Variants in GIT1 observed in about 807,000 individuals in gnomAD.
GIT1 encodes the protein ARF GTPase-activating protein GIT1.
GIT1 carries 14 observed loss-of-function variants against 91.7 expected under a neutral mutation model. That is an observed-to-expected ratio of 0.15 (90% confidence interval 0.10 to 0.24). GIT1 has a LOEUF of 0.24. GIT1 is among the 10% of genes least tolerant of loss of function. The pLI, the probability that GIT1 is intolerant of heterozygous loss-of-function variation, is 1.00. For synonymous variants in GIT1, 414 were observed against 418.2 expected, an observed-to-expected ratio of 0.99 and a Z score of 0.12; for missense variants, 717 against 1,024.9, an observed-to-expected ratio of 0.70 and a Z score of 4.10.
intron 1 of GIT1, 79 bp from the exon 2 acceptor site, chr17:29,583,695 A>G (rs1399695263): frequency 2.1e-6 from 3 of 1,432,544 alleles, no homozygotes; most frequent in Non-Finnish European, 1.9e-6. Context: ...GCCCGTGCCA[A>G]GCCTAGTACT....
Position 29,576,060 on chromosome 17 carries a change from C to G in GIT1, c.1665+18G>C. 6.2e-7 allele frequency: 1 copy of G among 1,612,594 alleles called. No homozygotes were observed. Among genetic ancestry groups the G allele is most frequent in the East Asian group, 2.2e-5 (1 of 44,872 alleles). The stretch of plus-strand genomic sequence containing the variant: ...CAGAACCTACTGGCTAAGATGGACA[C>G]GCCTTCCCCAGGCTTACCCGGTAAA... On this transcript the variant is annotated intron_variant, in intron 15 of 19. Transcript: ENST00000225394.
At chr17:29,578,489 C>T in intron 8 of GIT1, 118 bp from the exon 9 acceptor site, 1 of 955,046 alleles carries the variant, frequency 1.0e-6, no homozygotes, top group East Asian at 2.4e-5. Context: ...CTGCCCAGCC[C>T]CTACAGTCTC....
At position 29,574,338 on chromosome 17, in the gene GIT1, G is replaced by A. The variant is rs1346526031; in HGVS notation, c.*364C>T. On this transcript the variant is annotated 3_prime_UTR_variant, in exon 20 of 20. Transcript: ENST00000225394. ...AGGGCTGAACTGGCTCATGGGGGTG[G>A]GGCGCATGTACGGAGAGCTGCCCCA... The A allele has an allele frequency of 3.5e-6, 1 of 289,052 alleles. No individual in the cohort carries two copies. The highest frequency in any genetic ancestry group is 2.2e-5 in the African/African-American group (1 of 45,638). The allele number at this position is 289,052 out of a possible 1,614,324, so 17.9% of individuals were successfully genotyped here.
chr17:29,577,347 T>C lies in GIT1; in HGVS notation c.982-100A>G. ...CAAGGCATGGCTCTGCCATTTAATT[T>C]AACCCCAGCTAAAGCGTCCCAGCCT... is the stretch of plus-strand genomic sequence containing the variant. On this transcript the variant is annotated intron_variant, in intron 10 of 19. Coordinates refer to ENST00000225394, the MANE Select transcript of GIT1 (RefSeq NM_014030.4). 10 of 920,106 alleles carry C rather than the reference T, an allele frequency of 1.1e-5. No individual in the cohort carries two copies. The South Asian group carries it at 1.5e-4, about 14-fold the overall frequency. The allele number at this position is 920,106 out of a possible 1,614,324, so 57.0% of individuals were successfully genotyped here.
In GIT1 at chr17:29,589,286, G is replaced by A; in HGVS notation, c.52+41C>T. The A allele has an allele frequency of 1.1e-6, 1 of 934,670 alleles. No homozygotes were observed. The highest frequency in any genetic ancestry group is 1.3e-6 in the Non-Finnish European group (1 of 780,730). The allele number at this position is 934,670 out of a possible 1,614,324, so 57.9% of individuals were successfully genotyped here. On this transcript the variant is annotated intron_variant, in intron 1 of 19. Coordinates refer to ENST00000225394, the MANE Select transcript of GIT1 (RefSeq NM_014030.4). The surrounding 1 kb of genome is among the most constrained non-coding windows in gnomAD (Gnocchi z 5.2). ...AGGCCCCGGCGCCCGCCCGGCGGCGGCCTGGCTGTGCGGTCCCGCCCCCGG... is the reference window on the plus strand; with the variant it reads ...AGGCCCCGGCGCCCGCCCGGCGGCGACCTGGCTGTGCGGTCCCGCCCCCGG...
chr17:29,589,344 G>A lies in GIT1; in HGVS notation c.35C>T (p.Ala12Val), dbSNP rs1019896622. The A allele has an allele frequency of 1.8e-6, 2 of 1,088,130 alleles. No homozygotes were observed. The highest frequency in any genetic ancestry group is 2.3e-6 in the Non-Finnish European group (2 of 885,560). 67.4% of individuals were successfully genotyped at this position (1,088,130 alleles called of 1,614,324 possible). A position where few individuals can be genotyped will look rare whatever the true frequency, so the allele number is the denominator to read the frequency against. ...GCGCTTACCCGGGGCGCTGCAGTCC[G>A]CACACACCTCCGCTCGCGGCCCCTT... ...SRKGPRAEVCADCSAPDPGWA... is the reference protein window; with the variant it reads ...SRKGPRAEVCVDCSAPDPGWA... Residue 12 changes from alanine (A) to valine (V), a missense_variant, in exon 1 of 20, where the codon GCG becomes GTG. Physicochemically the swap from Ala to Val is moderately conservative, Grantham distance 64 (BLOSUM62 0). Transcript: ENST00000225394. This position sits in a 1 kb window ranked among gnomAD's most constrained non-coding sequence, Gnocchi z 5.2.
chr17:29,575,917 C>T lies in GIT1; in HGVS notation c.1666-19G>A, dbSNP rs1268988353. 1 of 1,594,004 alleles carries T rather than the reference C, an allele frequency of 6.3e-7. No individual in the cohort carries two copies. Among genetic ancestry groups the T allele is most frequent in the Non-Finnish European group, 8.6e-7 (1 of 1,167,454 alleles). ...TCCGGATCTGAAACCCAGGGCAGCG[C>T]TGGATGGAGTCAGTGTGCCCCACTG... is the stretch of plus-strand genomic sequence containing the variant. On this transcript the variant is annotated intron_variant, in intron 15 of 19. Transcript: ENST00000225394. This position sits in a 1 kb window ranked among gnomAD's most constrained non-coding sequence, Gnocchi z 5.5.
At chr17:29,582,520 G>A (rs978417631) in intron 4 of GIT1, among the ~76,000 whole-genome samples, 178 bp downstream of exon 4, 1 of 152,180 alleles carries the variant, frequency 6.6e-6, no homozygotes, top group African/African-American at 2.4e-5. Flanking sequence ...GGTTGCTGGG[G>A]AGCCTCAGCC....
rs980897929 is a variant in GIT1 at position 29,574,545 on chromosome 17, A to G, written c.*157T>C. 3 of 704,002 alleles carry G rather than the reference A, an allele frequency of 4.3e-6. No individual in the cohort carries two copies. Among genetic ancestry groups the G allele is most frequent in the African/African-American group, 1.8e-5 (1 of 56,978 alleles). The allele number at this position is 704,002 out of a possible 1,614,324, so 43.6% of individuals were successfully genotyped here. ...ACCTCCCCATCCTTAGGGGCTCGAC[A>G]GGGGTGGGCACCAGGGCACCTGGCT... On this transcript the variant is annotated 3_prime_UTR_variant, in exon 20 of 20. Transcript: ENST00000225394.
At chr17:29,580,721 G>A (rs1192049116) in intron 7 of GIT1, among the ~76,000 whole-genome samples, 1 of 152,002 alleles carries the variant, frequency 6.6e-6, no homozygotes, top group Non-Finnish European at 1.5e-5. Context: ...CGGTGCCACT[G>A]GGACAGAACC....
intron 8 of GIT1, 98 bp from the exon 9 acceptor site, chr17:29,578,469 C>T: frequency 6.4e-6 from 7 of 1,099,886 alleles, no homozygotes; most frequent in Non-Finnish European, 8.4e-6. Context: ...AACCGGTGGC[C>T]TTCCTTGTGC....
intron 7 of GIT1, 36 bp from the exon 8 acceptor site, chr17:29,578,815 G>A (rs978073380): frequency 1.2e-6 from 2 of 1,602,636 alleles, no homozygotes; most frequent in Non-Finnish European, 1.7e-6. Context: ...GGGAGGAGAG[G>A]AGAGACCTGA....
intron 7 of GIT1, among the ~76,000 whole-genome samples, chr17:29,579,601 G>A (rs1598571017): frequency 6.6e-6 from 1 of 152,010 alleles, no homozygotes; most frequent in Non-Finnish European, 1.5e-5. Context: ...GCTGAGCACG[G>A]TGGCATGTGC....
intron 10 of GIT1, 81 bp downstream of exon 10, chr17:29,577,564 C>T: frequency 1.1e-6 from 1 of 930,326 alleles, no homozygotes; most frequent in Admixed American, 1.7e-5. Flanking sequence ...AGAGCTGGCT[C>T]AGGCCCCAGC....
Position 29,575,926 on chromosome 17 carries a change from G to C in GIT1, c.1666-28C>G. 1 of 1,581,728 alleles carries C rather than the reference G, an allele frequency of 6.3e-7. No homozygotes were observed. Among genetic ancestry groups the C allele is most frequent in the Non-Finnish European group, 8.6e-7 (1 of 1,156,586 alleles). Reference sequence around the variant, plus strand: ...GAAACCCAGGGCAGCGCTGGATGGAGTCAGTGTGCCCCACTGCCCCCCTGC... The same window carrying C: ...GAAACCCAGGGCAGCGCTGGATGGACTCAGTGTGCCCCACTGCCCCCCTGC... On this transcript the variant is annotated intron_variant, in intron 15 of 19. Transcript: ENST00000225394. The surrounding 1 kb of genome is among the most constrained non-coding windows in gnomAD (Gnocchi z 5.5).
rs1039118478 is a variant in GIT1 at position 29,578,854 on chromosome 17, C to A, written c.762-75G>T. On this transcript the variant is annotated intron_variant, in intron 7 of 19. Coordinates refer to ENST00000225394, the MANE Select transcript of GIT1 (RefSeq NM_014030.4). Reference sequence around the variant, plus strand: ...GTGGCCAGGCCCATGCCAGCAACCTCCCCAACATGCAGGGATCCCGGGGAG... The same window carrying A: ...GTGGCCAGGCCCATGCCAGCAACCTACCCAACATGCAGGGATCCCGGGGAG... 17 of 1,565,756 alleles carry A rather than the reference C, an allele frequency of 1.1e-5. No homozygotes were observed. The Admixed American group carries it at 2.8e-4, about 26-fold the overall frequency.
rs550216331 is a variant in GIT1 at position 29,573,573 on chromosome 17, G to C, written c.*1129C>G. 1 of 152,700 alleles carries C rather than the reference G, an allele frequency of 6.5e-6. No individual in the cohort carries two copies. The highest frequency in any genetic ancestry group is 2.1e-4 in the South Asian group (1 of 4,834). 9.5% of individuals were successfully genotyped at this position (152,700 alleles called of 1,614,324 possible). Reference sequence around the variant, plus strand: ...AGGGCCTGGCCCCCAGGGAAGAAGCGGGATGGGGAGAGAGCTGGTGGGTCC... The same window carrying C: ...AGGGCCTGGCCCCCAGGGAAGAAGCCGGATGGGGAGAGAGCTGGTGGGTCC... On this transcript the variant is annotated 3_prime_UTR_variant, in exon 20 of 20. Coordinates refer to ENST00000225394, the MANE Select transcript of GIT1 (RefSeq NM_014030.4).
chr17:29,574,797 G>C lies in GIT1; in HGVS notation c.2191C>G (p.Gln731Glu). Reference protein sequence around the residue: ...PPEPGAPVDFQLLTQQVIQCA... With the variant: ...PPEPGAPVDFELLTQQVIQCA... ...TGGATCACCTGCTGAGTCAGCAGCT[G>C]GAAGTCCACTGGGGCGCCGGGCTCT... Residue 731 changes from glutamine to glutamate, a missense_variant, in exon 20 of 20, where the codon CAG becomes GAG. By Grantham distance (29) the Gln-to-Glu change is conservative (BLOSUM62 2). This residue lies in a region of GIT1 where 134 missense variants were observed against 223.8 expected (regional missense o/e 0.60). Transcript: ENST00000225394. The C allele has an allele frequency of 6.2e-7, 1 of 1,612,866 alleles. No homozygotes were observed. The highest frequency in any genetic ancestry group is 8.5e-7 in the Non-Finnish European group (1 of 1,179,924).
intron 9 of GIT1, 55 bp from the exon 10 acceptor site, chr17:29,577,797 G>A (rs2033266163): frequency 9.2e-7 from 1 of 1,084,298 alleles, no homozygotes; most frequent in Non-Finnish European, 1.4e-6. Context: ...CCCAAGGTGG[G>A]GGTGGGGAAG....
Sources: allele counts gnomAD v4.1 joint callset (sites outside exome capture counted in the v4.1 genomes callset), GRCh38; gene constraint gnomAD v4.1.1; regional missense constraint gnomAD v4.1.1; non-coding constraint Gnocchi (gnomAD v3.1); transcripts MANE v1.5; gene names NCBI Gene and HGNC (gene_info 2026-07-23, HGNC 2026-07-21).